MCC: variants seen among roughly 807,000 people sequenced by gnomAD.
The protein encoded by MCC is colorectal mutant cancer protein.
Under a neutral mutation model 116.2 loss-of-function variants are expected in MCC, and 90 were observed. That is an observed-to-expected ratio of 0.77 (90% CI 0.65 to 0.92). The LOEUF is 0.92. Among genes scored for constraint, MCC ranks in the 40% least tolerant of loss-of-function variants. The pLI is 0.00. For synonymous variants in MCC, 578 were observed against 510.5 expected (o/e 1.13, Z -1.78); for missense variants, 1,516 against 1,312.2 (o/e 1.16, Z -2.40).
intron 3 of MCC, among the ~76,000 whole-genome samples, chr5:113,241,008 C>T (rs1293549458): frequency 6.6e-6 from 1 of 152,182 alleles, no homozygotes; most frequent in Non-Finnish European, 1.5e-5. Flanking sequence ...GAACAACAGC[C>T]AGATCCTCTG....
At chr5:113,388,727 C>T (rs1009768326) in intron 1 of MCC, among the ~76,000 whole-genome samples, 1 of 152,182 alleles carries the variant, frequency 6.6e-6, no homozygotes, top group Non-Finnish European at 1.5e-5. Context: ...CAAAATAAAC[C>T]TTTTTTCCTT....
chr5:113,097,495 T>C (rs779964296), intron 8 of MCC, among the ~76,000 whole-genome samples: 8 of 152,184 alleles, frequency 5.3e-5, no homozygotes, highest in Non-Finnish European at 1.0e-4. Flanking sequence ...TATACATACA[T>C]ATGAATATCT....
Position 113,117,932 on chromosome 5 carries a change from C to T in MCC, c.1027+4752G>A, listed in dbSNP as rs150056242. Reference sequence around the variant, plus strand: ...CTAATTCCCCCATCAGCCCTAGAGACCTCAAAGGACTGCAGTAAGCAAATG... The same window carrying T: ...CTAATTCCCCCATCAGCCCTAGAGATCTCAAAGGACTGCAGTAAGCAAATG... On this transcript the variant is annotated intron_variant, in intron 6 of 18. Coordinates refer to ENST00000408903, the MANE Select transcript of MCC (RefSeq NM_001085377.2). Among the ~76,000 whole-genome samples the T allele has an allele frequency of 1.6e-3, 243 of 152,322 alleles. 1 individual carries two copies. Among genetic ancestry groups the T allele is most frequent in the African/African-American group, 5.7e-3 (235 of 41,562 alleles).
At chr5:113,347,370 A>G (rs1768159905) in intron 2 of MCC, among the ~76,000 whole-genome samples, 1 of 151,280 alleles carries the variant, frequency 6.6e-6, no homozygotes, top group Non-Finnish European at 1.5e-5. Context: ...AATTTTTATT[A>G]GTTTTCTTTT....
chr5:113,252,021 C>A (rs1764821539), intron 3 of MCC, among the ~76,000 whole-genome samples: 2 of 152,090 alleles, frequency 1.3e-5, no homozygotes, highest in African/African-American at 4.8e-5. Context: ...CAAATAAAAC[C>A]CCACCCTTTT....
At chr5:113,117,707 T>C (rs1485981121) in intron 6 of MCC, among the ~76,000 whole-genome samples, 7 of 152,214 alleles carry the variant, frequency 4.6e-5, no homozygotes, top group Non-Finnish European at 8.8e-5. Flanking sequence ...GGGAAAATGG[T>C]CCACAGGAAA....
chr5:113,063,884 A>G (rs1478000315), intron 14 of MCC, 100 bp downstream of exon 14: 1 of 1,321,948 alleles, frequency 7.6e-7, no homozygotes, highest in Non-Finnish European at 1.0e-6. Flanking sequence ...CCTTTTCCCA[A>G]GCCACACAGT....
chr5:113,232,529 G>A (rs73778992), intron 3 of MCC, among the ~76,000 whole-genome samples: 5 of 152,082 alleles, frequency 3.3e-5, no homozygotes, highest in Non-Finnish European at 7.4e-5. Flanking sequence ...CAAAAAAGCT[G>A]AGATCAGAGA....
intron 1 of MCC, among the ~76,000 whole-genome samples, chr5:113,468,832 A>G (rs1243661357): frequency 5.3e-5 from 8 of 152,112 alleles, no homozygotes; most frequent in Non-Finnish European, 7.4e-5. Flanking sequence ...TTGGTTGGTA[A>G]GCTATTGATT....
chr5:113,102,045 G>A (rs899814085), intron 7 of MCC, 100 bp from the exon 8 acceptor site: 1 of 1,170,034 alleles, frequency 8.5e-7, no homozygotes, highest in African/African-American at 1.5e-5. Context: ...ATAGAGGAGT[G>A]TGTTCTAGAA....
intron 3 of MCC, among the ~76,000 whole-genome samples, chr5:113,302,488 A>T (rs1766887643): frequency 1.3e-5 from 2 of 152,264 alleles, no homozygotes; most frequent in Admixed American, 6.5e-5. Context: ...CATATTATAC[A>T]GTATTCAGAA....
intron 3 of MCC, among the ~76,000 whole-genome samples, chr5:113,335,673 C>T (rs1767852640): frequency 6.6e-6 from 1 of 151,600 alleles, no homozygotes; most frequent in Admixed American, 6.6e-5. Flanking sequence ...CTTAAAATAT[C>T]TCATATTGCT....
intron 2 of MCC, among the ~76,000 whole-genome samples, chr5:113,370,280 T>G (rs548225070): frequency 6.6e-6 from 1 of 152,212 alleles, no homozygotes; most frequent in African/African-American, 2.4e-5. Flanking sequence ...TCCTAGGCCA[T>G]GAAGAGGCGA....
Position 113,340,597 on chromosome 5 carries a change from AG to A in MCC, c.548del (p.Ala183ValfsTer17), listed in dbSNP as rs1561530557. 6.2e-7 allele frequency: 1 copy of A among 1,614,198 alleles called. No individual in the cohort carries two copies. On this transcript the variant is annotated frameshift_variant, in exon 3 of 19. Transcript: ENST00000408903. LOFTEE classifies it high-confidence loss of function. Reference sequence around the variant, plus strand: ...ACTGTGTGAGCAGTTTGTGGAGAGCAGCCTGCTGATGCAAAGAGCTTCCGCC... The same window carrying A: ...ACTGTGTGAGCAGTTTGTGGAGAGCACCTGCTGATGCAAAGAGCTTCCGCC... ...EYGGSSLHQQAALHKLLTQSP... is the reference protein window; with the variant it reads ...EYGGSSLHQQXALHKLLTQSP...
chr5:113,224,210 T>C (rs1186364668), intron 3 of MCC, among the ~76,000 whole-genome samples: 1 of 152,270 alleles, frequency 6.6e-6, no homozygotes, highest in East Asian at 1.9e-4. Flanking sequence ...TTCTCCTGCC[T>C]CAGCCTTCCG....
chr5:113,066,134 A>T (rs1753585735), intron 13 of MCC, among the ~76,000 whole-genome samples: 1 of 152,224 alleles, frequency 6.6e-6, no homozygotes, highest in African/African-American at 2.4e-5. Flanking sequence ...GCATTTCATT[A>T]TTGATTTTGA....
chr5:113,179,340 C>T (rs532736188), intron 3 of MCC, among the ~76,000 whole-genome samples: 1 of 152,292 alleles, frequency 6.6e-6, no homozygotes, highest in South Asian at 2.1e-4. Flanking sequence ...CCATTTGCAG[C>T]CTAGCACAGG....
chr5:113,066,094 A>C (rs753294277), intron 13 of MCC, among the ~76,000 whole-genome samples: 41 of 152,262 alleles, frequency 2.7e-4, no homozygotes, highest in Non-Finnish European at 4.4e-4. Context: ...AAATGTATAC[A>C]TGAACTTCCC....
chr5:113,120,219 T>TTATGAACTTAGCATGTTGG (rs1302620772), intron 6 of MCC, among the ~76,000 whole-genome samples: 1 of 152,196 alleles, frequency 6.6e-6, no homozygotes, highest in African/African-American at 2.4e-5. Context: ...TATGATGCCC[T>TTATGAACTTAGCATGTTGG]TATGAACTTA....
Sources: allele counts gnomAD v4.1 joint callset (sites outside exome capture counted in the v4.1 genomes callset), GRCh38; gene constraint gnomAD v4.1.1; transcripts MANE v1.5; gene names NCBI Gene and HGNC (gene_info 2026-07-23, HGNC 2026-07-21).